HIKESHI: variants seen among roughly 807,000 people sequenced by gnomAD.
HIKESHI encodes heat shock protein nuclear import factor hikeshi, also known as protein Hikeshi.
Under a neutral mutation model 25.7 loss-of-function variants are expected in HIKESHI, and 13 were observed. The observed-to-expected ratio is 0.51, with a 90% CI of 0.33 to 0.80. HIKESHI has a LOEUF of 0.80. HIKESHI is among the 30% of genes least tolerant of loss of function. The pLI is 0.02. For synonymous variants in HIKESHI, 76 were observed against 78.7 expected (o/e 0.97, Z 0.18); for missense variants, 174 against 229.5 (o/e 0.76, Z 1.56).
intron 2 of HIKESHI, among the ~76,000 whole-genome samples, chr11:86,320,852 T>C (rs1947129030): frequency 6.6e-6 from 1 of 152,044 alleles, no homozygotes; most frequent in Non-Finnish European, 1.5e-5. Flanking sequence ...GTATGCATTC[T>C]TTTTTTTGTC....
intron 2 of HIKESHI, among the ~76,000 whole-genome samples, chr11:86,316,768 A>ATTTTT (rs1946991169): frequency 1.2e-5 from 1 of 83,496 alleles, no homozygotes; most frequent in Non-Finnish European, 2.6e-5. Flanking sequence ...AATCTGAAAC[A>ATTTTT]TTCTTTTTTT....
At chr11:86,343,447 T>C (rs1172631686) in intron 3 of HIKESHI, 1 of 152,012 alleles carries the variant, frequency 6.6e-6, no homozygotes, top group Non-Finnish European at 1.5e-5. Flanking sequence ...CCAGCCTGGG[T>C]AACATAGTGA....
intron 2 of HIKESHI, chr11:86,324,216 G>T (rs1272502770): frequency 2.6e-5 from 4 of 152,204 alleles, no homozygotes. Context: ...AACCAGCGTA[G>T]TGCACTACAA....
In HIKESHI at chr11:86,345,675, G is replaced by A. The variant is rs1947853258; in HGVS notation, c.*37G>A. 2.2e-6 allele frequency: 3 copies of A among 1,340,316 alleles called. No individual in the cohort carries two copies. Among genetic ancestry groups the A allele is most frequent in the Non-Finnish European group, 3.1e-6 (3 of 957,968 alleles). 83.0% of individuals were successfully genotyped at this position (1,340,316 alleles called of 1,614,324 possible). Reference sequence around the variant, plus strand: ...TAATTTTTAATGGATTCTGAAATTTGTCATGTTTTGAAGATAACTGACTCC... The same window carrying A: ...TAATTTTTAATGGATTCTGAAATTTATCATGTTTTGAAGATAACTGACTCC... On this transcript the variant is annotated 3_prime_UTR_variant, in exon 5 of 5. Coordinates refer to ENST00000278483, the MANE Select transcript of HIKESHI (RefSeq NM_016401.4).
At chr11:86,316,413 G>A (rs1443957205) in intron 2 of HIKESHI, among the ~76,000 whole-genome samples, 7 of 152,116 alleles carry the variant, frequency 4.6e-5, no homozygotes, top group African/African-American at 1.4e-4. Context: ...TTGGCAGTCT[G>A]AGGCAGGAGA....
intron 1 of HIKESHI, among the ~76,000 whole-genome samples, chr11:86,306,005 A>G (rs1416657981): frequency 1.3e-5 from 2 of 152,182 alleles, no homozygotes; most frequent in Non-Finnish European, 2.9e-5. Context: ...GGCCTCCCAC[A>G]AAGTGTTGGG....
intron 2 of HIKESHI, among the ~76,000 whole-genome samples, chr11:86,322,903 A>G (rs547046470): frequency 6.6e-6 from 1 of 152,258 alleles, no homozygotes; most frequent in African/African-American, 2.4e-5. Context: ...TTCTCTTGAT[A>G]CTCACTTGGG....
At chr11:86,306,541 T>A in intron 2 of HIKESHI, 59 bp downstream of exon 2, 1 of 968,078 alleles carries the variant, frequency 1.0e-6, no homozygotes, top group Non-Finnish European at 1.6e-6. Flanking sequence ...TTAAATAGCA[T>A]AACATGGAAT....
intron 3 of HIKESHI, among the ~76,000 whole-genome samples, chr11:86,341,874 GTAT>G (rs1947741598): frequency 6.6e-6 from 1 of 152,032 alleles, no homozygotes; most frequent in South Asian, 2.1e-4. Flanking sequence ...AATATAAATA[GTAT>G]TATTCTGTAT....
intron 2 of HIKESHI, among the ~76,000 whole-genome samples, chr11:86,318,028 G>C (rs999966895): frequency 1.1e-4 from 17 of 151,988 alleles, no homozygotes; most frequent in African/African-American, 4.1e-4. Flanking sequence ...CTGAAGGCCG[G>C]GTGCAGTGGC....
rs562514656 is a variant in HIKESHI at position 86,333,497 on chromosome 11, C to T, written c.269-3882C>T. ...TTGCAGTGAGCCAAGATCGTCCTACCGCACTCCAGCCTGGGCAACAGAGTG... is the reference window on the plus strand; with the variant it reads ...TTGCAGTGAGCCAAGATCGTCCTACTGCACTCCAGCCTGGGCAACAGAGTG... On this transcript the variant is annotated intron_variant, in intron 2 of 4. Coordinates refer to ENST00000278483, the MANE Select transcript of HIKESHI (RefSeq NM_016401.4). Among the ~76,000 whole-genome samples, 7 of 151,354 alleles carry T rather than the reference C, an allele frequency of 4.6e-5. 1 individual carries two copies. The South Asian group carries it at 6.3e-4, about 14-fold the overall frequency.
At chr11:86,323,309 CT>C (rs1379951136) in intron 2 of HIKESHI, among the ~76,000 whole-genome samples, 1 of 151,706 alleles carries the variant, frequency 6.6e-6, no homozygotes, top group African/African-American at 2.4e-5. Context: ...TAAATAGATA[CT>C]TTTATAGTTT....
rs566304407 is a variant in HIKESHI, at chr11:86,334,649, C to T, written c.269-2730C>T. ...AATTCTAGATTTAAAAGAAATCAAA[C>T]GGTAGAGTAAGGAGCTCCAGAAAAT... On this transcript the variant is annotated intron_variant, in intron 2 of 4. Coordinates refer to ENST00000278483, the MANE Select transcript of HIKESHI (RefSeq NM_016401.4). Among the ~76,000 whole-genome samples the T allele has an allele frequency of 2.6e-5, 4 of 152,152 alleles. No individual in the cohort carries two copies. In the South Asian group the frequency reaches 6.2e-4, roughly 24 times the overall value.
In HIKESHI at chr11:86,307,215, T is replaced by C. The variant is rs12575523; in HGVS notation, c.268+733T>C. Among the ~76,000 whole-genome samples the C allele has an allele frequency of 3.4e-3, 152 of 44,704 alleles. 3 individuals carry two copies. Among genetic ancestry groups the C allele is most frequent in the South Asian group, 6.0e-3 (5 of 840 alleles). 29.3% of individuals were successfully genotyped at this position (44,704 alleles called of 152,430 possible). A position where few individuals can be genotyped will look rare whatever the true frequency, so the allele number is the denominator to read the frequency against. On this transcript the variant is annotated intron_variant, in intron 2 of 4. Coordinates refer to ENST00000278483, the MANE Select transcript of HIKESHI (RefSeq NM_016401.4). ...TGTGTAATATACATCATATATCAAA[T>C]ATATATTATGTGTAATATACATCAT...
At chr11:86,306,517 A>T in intron 2 of HIKESHI, 35 bp downstream of exon 2, 2 of 1,320,578 alleles carry the variant, frequency 1.5e-6, no homozygotes, top group Non-Finnish European at 2.1e-6. Flanking sequence ...TTTATAATTA[A>T]TCAAACTTTT....
At chr11:86,340,575 C>A (rs1947696996) in intron 3 of HIKESHI, among the ~76,000 whole-genome samples, 1 of 139,984 alleles carries the variant, frequency 7.1e-6, no homozygotes, top group Non-Finnish European at 1.5e-5. Context: ...TGTTCATATC[C>A]TTTGCCCTCT....
chr11:86,313,529 A>G (rs1046403203), intron 2 of HIKESHI, among the ~76,000 whole-genome samples: 6 of 152,258 alleles, frequency 3.9e-5, no homozygotes, highest in African/African-American at 7.2e-5. Flanking sequence ...TTCTTAAAAT[A>G]AAAAGATATA....
At chr11:86,327,606 G>T (rs1217270811) in intron 2 of HIKESHI, among the ~76,000 whole-genome samples, 2 of 152,110 alleles carry the variant, frequency 1.3e-5, no homozygotes, top group African/African-American at 4.8e-5. Context: ...GAGCCACCGC[G>T]CCCAGCCAAG....
At chr11:86,323,552 C>T (rs1306213278) in intron 2 of HIKESHI, among the ~76,000 whole-genome samples, 2 of 152,152 alleles carry the variant, frequency 1.3e-5, no homozygotes, top group African/African-American at 2.4e-5. Context: ...AATTTAATTT[C>T]CCCCATCTTT....
Sources: gnomAD v4.1 joint callset for allele counts (sites outside exome capture counted in the v4.1 genomes callset) on GRCh38, gnomAD v4.1.1 for gene constraint, MANE v1.5 for transcripts, NCBI Gene and HGNC (gene_info 2026-07-23, HGNC 2026-07-21) for gene names.